The following ANGPTL2 variants were observed in gnomAD, a reference collection of about 807,000 sequenced individuals.
ANGPTL2 encodes angiopoietin like 2.
In ANGPTL2, 25 loss-of-function variants were observed where a neutral mutation model predicts 52.8. That is an observed-to-expected ratio of 0.47 (90% CI 0.35 to 0.66). The LOEUF (loss-of-function observed/expected upper bound fraction) is 0.66, where lower values mean the gene tolerates loss of function less well. ANGPTL2 is among the 30% of genes least tolerant of loss of function. The probability of loss-of-function intolerance (pLI) is 0.01; values close to 1 mark genes in which losing one functional copy is unlikely to be tolerated. For missense variants in ANGPTL2, 546 were observed against 656.9 expected (o/e 0.83, Z 1.84); for synonymous variants, 276 against 277.4 (o/e 1.00, Z 0.05).
At chr9:127,101,591 A>G (rs2053735910) in intron 2 of ANGPTL2, among the ~76,000 whole-genome samples, 1 of 152,106 alleles carries the variant, frequency 6.6e-6, no homozygotes, top group Admixed American at 6.5e-5. Context: ...ATAATAATAA[A>G]TCCATCTGGA....
Position 127,108,564 on chromosome 9 carries a change from G to A in ANGPTL2, c.168C>T (p.Tyr56=). 1 of 1,613,638 alleles carries A rather than the reference G, an allele frequency of 6.2e-7. No homozygotes were observed. The highest frequency in any genetic ancestry group is 8.5e-7 in the Non-Finnish European group (1 of 1,179,920). Residue 56 remains tyrosine (Y), a synonymous_variant, in exon 2 of 5, where the codon TAC becomes TAT. Coordinates refer to ENST00000373425, the MANE Select transcript of ANGPTL2 (RefSeq NM_012098.3). ...CCCGCTGCTGGGGCACAATGAAGGT[G>A]TAGGTGCACTTGTCCTGGGACTCGC... ...RAGESQDKCT[Y]TFIVPQQRVT... is the part of the protein sequence containing the mutation.
At chr9:127,098,614 A>C (rs910632001) in intron 2 of ANGPTL2, among the ~76,000 whole-genome samples, 1 of 152,036 alleles carries the variant, frequency 6.6e-6, no homozygotes, top group African/African-American at 2.4e-5. Flanking sequence ...CTCAGCCCGG[A>C]CCCCACTGCC....
chr9:127,100,574 G>T (rs755127699), intron 2 of ANGPTL2, among the ~76,000 whole-genome samples: 4 of 152,204 alleles, frequency 2.6e-5, no homozygotes, highest in Admixed American at 6.5e-5. Context: ...CTCCCTGGGG[G>T]CAGTGGCCAG....
intron 1 of ANGPTL2, among the ~76,000 whole-genome samples, chr9:127,112,704 A>G (rs373486757): frequency 5.3e-5 from 8 of 152,286 alleles, no homozygotes; most frequent in African/African-American, 1.7e-4. Flanking sequence ...ATGGAAGTGC[A>G]TCAGAAGCGG....
rs373626212 is a variant in ANGPTL2 at position 127,108,561 on chromosome 9, G to A, written c.171C>T (p.Thr57=). 2.5e-4 allele frequency: 397 copies of A among 1,613,398 alleles called. No homozygotes were observed. The highest frequency in any genetic ancestry group is 3.3e-4 in the Non-Finnish European group (386 of 1,179,878). The part of the protein sequence containing the change: ...AGESQDKCTY[T]FIVPQQRVTG... ...TGACCCGCTGCTGGGGCACAATGAA[G>A]GTGTAGGTGCACTTGTCCTGGGACT... Residue 57 remains threonine, a synonymous_variant, in exon 2 of 5, where the codon ACC becomes ACT. Coordinates refer to ENST00000373425, the MANE Select transcript of ANGPTL2 (RefSeq NM_012098.3).
intron 2 of ANGPTL2, among the ~76,000 whole-genome samples, chr9:127,099,804 T>C (rs1326490381): frequency 6.6e-6 from 1 of 152,152 alleles, no homozygotes; most frequent in Non-Finnish European, 1.5e-5. Context: ...AACCTCAGAG[T>C]TGATATCACA....
chr9:127,110,022 G>GT (rs907773201), intron 1 of ANGPTL2, among the ~76,000 whole-genome samples: 30 of 152,318 alleles, frequency 2.0e-4, no homozygotes, highest in African/African-American at 4.3e-4. Context: ...TAATCATACG[G>GT]TTTTTTCTCT....
At chr9:127,117,216 C>T (rs914879271) in intron 1 of ANGPTL2, among the ~76,000 whole-genome samples, 16 of 152,212 alleles carry the variant, frequency 1.1e-4, no homozygotes, top group Admixed American at 9.8e-4. Flanking sequence ...TCCCTCCCTC[C>T]TTCAGCTCAC....
chr9:127,107,742 A>C (rs1005690283), intron 2 of ANGPTL2, among the ~76,000 whole-genome samples, 173 bp downstream of exon 2: 1 of 152,058 alleles, frequency 6.6e-6, no homozygotes, highest in African/African-American at 2.4e-5. Context: ...TTCCCCTGCC[A>C]CCCGTCACCC....
At chr9:127,118,355 C>A (rs1387963541) in intron 1 of ANGPTL2, among the ~76,000 whole-genome samples, 2 of 152,210 alleles carry the variant, frequency 1.3e-5, no homozygotes, top group African/African-American at 2.4e-5. Flanking sequence ...CTGACGTGAC[C>A]AGTGTATCAC....
At chr9:127,112,490 G>A (rs1393186693) in intron 1 of ANGPTL2, among the ~76,000 whole-genome samples, 1 of 152,238 alleles carries the variant, frequency 6.6e-6, no homozygotes, top group Non-Finnish European at 1.5e-5. Context: ...GAGGCAACCT[G>A]GCTGCAAGAC....
At chr9:127,090,876 T>C (rs536240639) in intron 4 of ANGPTL2, among the ~76,000 whole-genome samples, 9 of 152,220 alleles carry the variant, frequency 5.9e-5, no homozygotes, top group Admixed American at 2.0e-4. Context: ...TGTGGGAGGC[T>C]GATATCTGGA....
chr9:127,090,404 C>A (rs1239351832), intron 4 of ANGPTL2, among the ~76,000 whole-genome samples: 3 of 152,254 alleles, frequency 2.0e-5, no homozygotes, highest in Non-Finnish European at 4.4e-5. Context: ...GCCCCTACTG[C>A]TTCAGAATGA....
In ANGPTL2 at chr9:127,114,892, C is replaced by T. The variant is rs1003261615; in HGVS notation, c.-49-6112G>A. ...GTGAAACTATCATCAGGACAGAAGA[C>T]AGATGAAAACATCAACATTAGCTAG... On this transcript the variant is annotated intron_variant, in intron 1 of 4. Coordinates refer to ENST00000373425, the MANE Select transcript of ANGPTL2 (RefSeq NM_012098.3). Among the ~76,000 whole-genome samples, 3 of 152,202 alleles carry T rather than the reference C, an allele frequency of 2.0e-5. No homozygotes were observed. In the East Asian group the frequency reaches 5.8e-4, roughly 29 times the overall value.
intron 1 of ANGPTL2, among the ~76,000 whole-genome samples, chr9:127,113,034 T>A (rs1589552557): frequency 1.3e-5 from 2 of 152,352 alleles, no homozygotes; most frequent in South Asian, 4.1e-4. Context: ...ACTACATTGA[T>A]TCTGAGTCCT....
At chr9:127,113,585 C>A (rs186350316) in intron 1 of ANGPTL2, among the ~76,000 whole-genome samples, 116 of 129,070 alleles carry the variant, frequency 9.0e-4, no homozygotes, top group African/African-American at 3.2e-3. Context: ...TCACTTTTTT[C>A]CTGTGTCCAA....
intron 2 of ANGPTL2, among the ~76,000 whole-genome samples, chr9:127,102,119 C>T (rs1157000032): frequency 6.6e-6 from 1 of 152,154 alleles, no homozygotes; most frequent in Non-Finnish European, 1.5e-5. Context: ...CTGCTGCCTG[C>T]ATCCTTCACT....
chr9:127,118,539 C>A (rs1167278609), intron 1 of ANGPTL2, among the ~76,000 whole-genome samples: 1 of 152,218 alleles, frequency 6.6e-6, no homozygotes, highest in East Asian at 1.9e-4. Flanking sequence ...GGGTTTCAAT[C>A]TTTGCTTTTT....
rs2052073033 is a variant in ANGPTL2, at chr9:127,088,741, A to T, written c.*198T>A. 2 of 630,626 alleles carry T rather than the reference A, an allele frequency of 3.2e-6. No homozygotes were observed. The highest frequency in any genetic ancestry group is 5.6e-6 in the Non-Finnish European group (2 of 360,288). 39.1% of individuals were successfully genotyped at this position (630,626 alleles called of 1,614,324 possible). A position where few individuals can be genotyped will look rare whatever the true frequency, so the allele number is the denominator to read the frequency against. ...AGACATGAGGGGCTGTCTGGTGTGA[A>T]GGAAAGTAGGAGGGACAGAAAACAC... On this transcript the variant is annotated 3_prime_UTR_variant, in exon 5 of 5. Transcript: ENST00000373425.
Sources: gnomAD v4.1 joint callset for allele counts (sites outside exome capture counted in the v4.1 genomes callset) on GRCh38, gnomAD v4.1.1 for gene constraint, MANE v1.5 for transcripts, NCBI Gene and HGNC (gene_info 2026-07-23, HGNC 2026-07-21) for gene names.